NAA11: variants seen among roughly 807,000 people sequenced by gnomAD.
NAA11 encodes the protein N-alpha-acetyltransferase 11.
Under a neutral mutation model 16.1 loss-of-function variants are expected in NAA11, and 15 were observed. The ratio of observed to expected loss-of-function variants is 0.93; its 90% CI spans 0.62 to 1.44. NAA11 has a LOEUF of 1.44. Among genes scored for constraint, NAA11 ranks in the 40% most tolerant of loss-of-function variants. The probability of loss-of-function intolerance (pLI) is 0.00; values close to 1 mark genes in which losing one functional copy is unlikely to be tolerated. For synonymous variants in NAA11, 122 were observed against 112.4 expected, an observed-to-expected ratio of 1.09 and a Z score of -0.54; for missense variants, 298 against 291.3, an observed-to-expected ratio of 1.02 and a Z score of -0.17.
At chr4:79,290,904 C>T (rs1343828412) in intron 2 of NAA11, among the ~76,000 whole-genome samples, 1 of 151,994 alleles carries the variant, frequency 6.6e-6, no homozygotes, top group African/African-American at 2.4e-5. Flanking sequence ...ATGTAAATCT[C>T]TATTTGACTA....
chr4:79,222,937 A>T (rs1721225148), downstream of NAA11, among the ~76,000 whole-genome samples: 3 of 149,030 alleles, frequency 2.0e-5, no homozygotes, highest in South Asian at 2.2e-4. Flanking sequence ...AATCAAAACC[A>T]CAATGAGATA....
At chr4:79,196,955 CAAAAAAAAAAAAAA>C in the NAA11 span, among the ~76,000 whole-genome samples, 2 of 86,188 alleles carry the variant, frequency 2.3e-5, no homozygotes, top group South Asian at 1.1e-3. Context: ...ATGAAAAAGA[CAAAAAAAAAAAAAA>C]AAAAAAAAAA....
intron 1 of NAA11, among the ~76,000 whole-genome samples, chr4:79,298,780 A>G (rs1167018879): frequency 2.0e-5 from 3 of 152,248 alleles, no homozygotes; most frequent in Admixed American, 2.0e-4. Flanking sequence ...AAATGAGCCC[A>G]GTGGGCCCAA....
intron 2 of NAA11, among the ~76,000 whole-genome samples, chr4:79,278,635 TG>T (rs1199937905): frequency 6.6e-6 from 1 of 152,138 alleles, no homozygotes; most frequent in Non-Finnish European, 1.5e-5. Context: ...TTCCCTGTGT[TG>T]TATTTTGGCC....
chr4:79,321,560 T>C (rs1724089185), intron 1 of NAA11, among the ~76,000 whole-genome samples: 1 of 152,198 alleles, frequency 6.6e-6, no homozygotes, highest in Non-Finnish European at 1.5e-5. Flanking sequence ...ACCTTGGATT[T>C]GGAACAAAAA....
the NAA11 span, among the ~76,000 whole-genome samples, chr4:79,217,266 G>T: frequency 3.3e-5 from 5 of 152,150 alleles, no homozygotes; most frequent in East Asian, 9.6e-4. Context: ...TGGTGAACTG[G>T]CCTCCTAGGC....
chr4:79,290,152 T>A (rs1040166396), intron 2 of NAA11, among the ~76,000 whole-genome samples: 14 of 152,306 alleles, frequency 9.2e-5, no homozygotes, highest in African/African-American at 3.4e-4. Flanking sequence ...CAGGAAGGTT[T>A]CCTTGGTCCC....
chr4:79,205,880 G>T, the NAA11 span, among the ~76,000 whole-genome samples: 1 of 151,802 alleles, frequency 6.6e-6, no homozygotes, highest in Admixed American at 6.6e-5. Context: ...CCTTTTCCCA[G>T]TATATTTTTT....
intron 2 of NAA11, among the ~76,000 whole-genome samples, chr4:79,269,625 G>A (rs1195273640): frequency 6.7e-6 from 1 of 149,294 alleles, no homozygotes; most frequent in African/African-American, 2.5e-5. Flanking sequence ...TGAGTAGGTT[G>A]TGAAAATTTT....
intron 2 of NAA11, among the ~76,000 whole-genome samples, chr4:79,275,077 C>G (rs1419771819): frequency 6.6e-6 from 1 of 151,928 alleles, no homozygotes; most frequent in East Asian, 1.9e-4. Flanking sequence ...AAAAATTACT[C>G]AGAAAAATTT....
chr4:79,188,617 GT>G, the NAA11 span, among the ~76,000 whole-genome samples: 2 of 150,084 alleles, frequency 1.3e-5, no homozygotes, highest in Admixed American at 1.3e-4. Context: ...ACAAACTTCT[GT>G]TTAAAAAACA....
chr4:79,261,076 G>A (rs1252335934), intron 2 of NAA11, among the ~76,000 whole-genome samples: 2 of 152,130 alleles, frequency 1.3e-5, no homozygotes, highest in African/African-American at 4.8e-5. Flanking sequence ...TTGATATATG[G>A]TTTAAATTAA....
At chr4:79,247,509 A>C (rs1250178736) in intron 2 of NAA11, among the ~76,000 whole-genome samples, 1 of 152,168 alleles carries the variant, frequency 6.6e-6, no homozygotes, top group Non-Finnish European at 1.5e-5. Flanking sequence ...TTAATGATTC[A>C]GAACCACAAC....
intron 2 of NAA11, among the ~76,000 whole-genome samples, chr4:79,273,790 A>G (rs1722553479): frequency 6.6e-6 from 1 of 152,102 alleles, no homozygotes; most frequent in Non-Finnish European, 1.5e-5. Context: ...TAAGCAGAAC[A>G]TGTATTCCTC....
chr4:79,308,710 T>C (rs1472331435), intron 1 of NAA11: 1 of 152,200 alleles, frequency 6.6e-6, no homozygotes, highest in East Asian at 1.9e-4. Context: ...CCCCAATCTA[T>C]ATTACTTCAG....
chr4:79,321,228 A>T (rs1266789365), intron 1 of NAA11, among the ~76,000 whole-genome samples: 2 of 152,238 alleles, frequency 1.3e-5, no homozygotes, highest in Non-Finnish European at 2.9e-5. Context: ...CTAACTGGGC[A>T]TGGAAGCAAA....
chr4:79,176,714 T>C, the NAA11 span, among the ~76,000 whole-genome samples: 1 of 152,182 alleles, frequency 6.6e-6, no homozygotes, highest in Non-Finnish European at 1.5e-5. Context: ...CATAGAATTA[T>C]CTATCATAGT....
intron 1 of NAA11, among the ~76,000 whole-genome samples, chr4:79,305,746 A>G (rs1441719124): frequency 6.6e-6 from 1 of 152,214 alleles, no homozygotes; most frequent in Admixed American, 6.5e-5. Context: ...CTCTTTAATA[A>G]GAGGATCTCA....
At chr4:79,239,768 T>C (rs917880847) in intron 2 of NAA11, among the ~76,000 whole-genome samples, 4 of 152,172 alleles carry the variant, frequency 2.6e-5, no homozygotes, top group Non-Finnish European at 5.9e-5. Flanking sequence ...TTGTTTTCTA[T>C]ATTAATGCCC....
Sources: allele counts gnomAD v4.1 joint callset (sites outside exome capture counted in the v4.1 genomes callset), GRCh38; gene constraint gnomAD v4.1.1; transcripts MANE v1.5; gene names NCBI Gene and HGNC (gene_info 2026-07-23, HGNC 2026-07-21).